TBCE: variants seen among roughly 807,000 people sequenced by gnomAD.
TBCE encodes the protein tubulin-specific chaperone E.
In TBCE, 53 loss-of-function variants were observed where a neutral mutation model predicts 77.0. The observed-to-expected ratio is 0.69, with a 90% CI of 0.55 to 0.87. The LOEUF (loss-of-function observed/expected upper bound fraction) is 0.87, where lower values mean the gene tolerates loss of function less well. TBCE is among the 40% of genes least tolerant of loss of function. The pLI, the probability that TBCE is intolerant of heterozygous loss-of-function variation, is 0.00. For synonymous variants in TBCE, 235 were observed against 241.3 expected, an observed-to-expected ratio of 0.97 and a Z score of 0.24; for missense variants, 624 against 622.4, an observed-to-expected ratio of 1.00 and a Z score of -0.03.
At chr1:235,382,078 C>T (rs1339717441) in intron 2 of TBCE, among the ~76,000 whole-genome samples, 80 of 149,604 alleles carry the variant, frequency 5.3e-4, no homozygotes, top group Non-Finnish European at 4.7e-4. Flanking sequence ...GGTTTTTTGT[C>T]CTTGTGATAG....
At chr1:235,429,402 G>A (rs1000403522) in intron 6 of TBCE, 4 of 152,182 alleles carry the variant, frequency 2.6e-5, no homozygotes, top group Non-Finnish European at 5.9e-5. Context: ...AGGTGGGGAT[G>A]AGTTAGATTT....
rs569633875 is a variant in TBCE at position 235,387,394 on chromosome 1, C to T, written c.100+7245C>T. ...GCCTTTTTGTTTGTCTGTGCCCTGCCCCCAGAGGTGGAGCCTACAGAGGCA... is the reference window on the plus strand; with the variant it reads ...GCCTTTTTGTTTGTCTGTGCCCTGCTCCCAGAGGTGGAGCCTACAGAGGCA... On this transcript the variant is annotated intron_variant, in intron 2 of 16. Coordinates refer to ENST00000642610, the MANE Select transcript of TBCE (RefSeq NM_003193.5). 7.9e-5 allele frequency among the ~76,000 whole-genome samples: 12 copies of T among 152,326 alleles called. No individual in the cohort carries two copies. The East Asian group carries it at 2.3e-3, about 29-fold the overall frequency.
At chr1:235,440,015 G>A (rs2102932845) in intron 13 of TBCE, among the ~76,000 whole-genome samples, 1 of 152,044 alleles carries the variant, frequency 6.6e-6, no homozygotes, top group African/African-American at 2.4e-5. Context: ...CTGTCGCCCA[G>A]GCTGGAGTGC....
intron 3 of TBCE, among the ~76,000 whole-genome samples, chr1:235,405,560 T>C (rs1288917509): frequency 6.6e-6 from 1 of 151,516 alleles, no homozygotes; most frequent in Non-Finnish European, 1.5e-5. Context: ...CACTTGAACC[T>C]GGGAGGTGGA....
intron 1 of TBCE, among the ~76,000 whole-genome samples, chr1:235,375,893 A>G (rs77990728): frequency 0.025 from 3,826 of 152,098 alleles, 176 homozygotes; most frequent in African/African-American, 0.088. Flanking sequence ...AAAAAAAAAT[A>G]CAAAATTAGC....
chr1:235,402,007 A>G (rs1679139854), intron 3 of TBCE, among the ~76,000 whole-genome samples: 1 of 151,638 alleles, frequency 6.6e-6, no homozygotes, highest in African/African-American at 2.4e-5. Context: ...ATGTTGAGCC[A>G]CCATTAAATA....
rs1346769975 is a variant in TBCE at position 235,419,464 on chromosome 1, T to C, written c.372-9T>C. ...TTATGTATCCATGTGAACTCTGTTT[T>C]TCATGCAGTCAGCTGAGCAAGTTGC... On this transcript the variant is annotated splice_polypyrimidine_tract_variant and intron_variant, in intron 4 of 16. Coordinates refer to ENST00000642610, the MANE Select transcript of TBCE (RefSeq NM_003193.5). 4.3e-6 allele frequency: 7 copies of C among 1,614,078 alleles called. No homozygotes were observed. Among genetic ancestry groups the C allele is most frequent in the Admixed American group, 3.3e-5 (2 of 59,992 alleles).
chr1:235,447,343 C>CTGTA (rs1324785236), intron 15 of TBCE, among the ~76,000 whole-genome samples: 18 of 152,190 alleles, frequency 1.2e-4, no homozygotes, highest in Non-Finnish European at 1.8e-4. Context: ...CACACTATTG[C>CTGTA]TGTATCTCCA....
intron 2 of TBCE, among the ~76,000 whole-genome samples, chr1:235,383,509 T>G (rs1022873207): frequency 2.0e-5 from 3 of 152,182 alleles, no homozygotes; most frequent in Non-Finnish European, 2.9e-5. Context: ...TGGTTTGTAG[T>G]TCTCCTTGAA....
Position 235,420,257 on chromosome 1 carries a change from A to G in TBCE, c.460+696A>G, listed in dbSNP as rs1298318672. On this transcript the variant is annotated intron_variant, in intron 5 of 16. Coordinates refer to ENST00000642610, the MANE Select transcript of TBCE (RefSeq NM_003193.5). The stretch of plus-strand genomic sequence containing the variant: ...AGAGGAGAGGGAACCTGGGCTGCTG[A>G]CTGTGTACTGGGAACCTAAGATGAA... Among the ~76,000 whole-genome samples, 3 of 151,984 alleles carry G rather than the reference A, an allele frequency of 2.0e-5. No homozygotes were observed. The East Asian group carries it at 5.8e-4, about 29-fold the overall frequency.
At chr1:235,429,262 T>G (rs1220395554) in intron 6 of TBCE, 5 of 152,210 alleles carry the variant, frequency 3.3e-5, no homozygotes, top group Admixed American at 3.3e-4. Flanking sequence ...GTGCTGGAAT[T>G]ACAGGTGTGA....
intron 10 of TBCE, 26 bp downstream of exon 10, chr1:235,436,476 A>G: frequency 2.5e-6 from 4 of 1,611,716 alleles, no homozygotes; most frequent in Non-Finnish European, 2.5e-6. Context: ...AAAGTTCCCC[A>G]CTGCCCCCCC....
At position 235,438,825 on chromosome 1, in the gene TBCE, T is replaced by G. The variant is rs1012095447; in HGVS notation, c.1173T>G (p.Asn391Lys). Residue 391 changes from asparagine to lysine, a missense_variant, in exon 13 of 17, where the codon AAT (asparagine) becomes AAG (lysine). By Grantham distance (94) the Asn-to-Lys change is moderately conservative. Transcript: ENST00000642610. ...AELDYRKAFGNEWKQAGGHKD... is the reference protein window; with the variant it reads ...AELDYRKAFGKEWKQAGGHKD... ...TTGACTACCGAAAAGCTTTTGGAAATGAGTGGAAACAGGCTGGTGGACATA... is the reference window on the plus strand; with the variant it reads ...TTGACTACCGAAAAGCTTTTGGAAAGGAGTGGAAACAGGCTGGTGGACATA... The G allele has an allele frequency of 1.2e-6, 2 of 1,613,946 alleles. No individual in the cohort carries two copies. The highest frequency in any genetic ancestry group is 1.7e-6 in the Non-Finnish European group (2 of 1,179,996).
At position 235,409,969 on chromosome 1, in the gene TBCE, G is replaced by A. The variant is rs192944379; in HGVS notation, c.186-4464G>A. On this transcript the variant is annotated intron_variant, in intron 3 of 16. Coordinates refer to ENST00000642610, the MANE Select transcript of TBCE (RefSeq NM_003193.5). Reference sequence around the variant, plus strand: ...GGCGTGAACCCGGGAGTTGGAGATTGCAGTGAACCGAGATCGTGCCACTGC... The same window carrying A: ...GGCGTGAACCCGGGAGTTGGAGATTACAGTGAACCGAGATCGTGCCACTGC... Among the ~76,000 whole-genome samples, 22 of 148,268 alleles carry A rather than the reference G, an allele frequency of 1.5e-4. No homozygotes were observed. The East Asian group carries it at 4.2e-3, about 29-fold the overall frequency.
chr1:235,427,327 G>C (rs1680781560), intron 6 of TBCE, 88 bp downstream of exon 6: 1 of 1,033,320 alleles, frequency 9.7e-7, no homozygotes, highest in Admixed American at 1.8e-5. Context: ...AAGAGGTAGG[G>C]AGCCGGAAGG....
chr1:235,368,136 T>C (rs1977748), intron 1 of TBCE, among the ~76,000 whole-genome samples: 110,825 of 151,588 alleles, frequency 0.73, 41,853 homozygotes, highest in African/African-American at 0.93. Flanking sequence ...GAACTCCTGA[T>C]CTCAGATGAT....
At chr1:235,425,888 A>T (rs894994979) in intron 5 of TBCE, among the ~76,000 whole-genome samples, 1 of 152,002 alleles carries the variant, frequency 6.6e-6, no homozygotes, top group Non-Finnish European at 1.5e-5. Context: ...TTCCCTGGGC[A>T]CTGCATATAG....
chr1:235,373,238 T>G (rs10157582), intron 1 of TBCE, among the ~76,000 whole-genome samples: 127 of 152,210 alleles, frequency 8.3e-4, no homozygotes, highest in Non-Finnish European at 1.3e-3. Context: ...GCTTACATGT[T>G]AATGAAAATT....
At chr1:235,383,407 AGTAT>A (rs1677803359) in intron 2 of TBCE, among the ~76,000 whole-genome samples, 1 of 152,194 alleles carries the variant, frequency 6.6e-6, no homozygotes, top group Non-Finnish European at 1.5e-5. Flanking sequence ...TACCTTAGGC[AGTAT>A]GGCCATTTTC....
Sources: allele counts gnomAD v4.1 joint callset (sites outside exome capture counted in the v4.1 genomes callset), GRCh38; gene constraint gnomAD v4.1.1; transcripts MANE v1.5; gene names NCBI Gene and HGNC (gene_info 2026-07-23, HGNC 2026-07-21).